Variants in ZBTB7C observed in about 807,000 individuals in gnomAD.
ZBTB7C encodes zinc finger and BTB domain containing 7C.
In ZBTB7C, 8 loss-of-function variants were observed where a neutral mutation model predicts 25.7. The observed-to-expected ratio is 0.31, with a 90% CI of 0.18 to 0.56. The LOEUF is 0.56. ZBTB7C is among the 20% of genes least tolerant of loss of function. The pLI is 0.91. For missense variants in ZBTB7C, 824 were observed against 855.2 expected, an observed-to-expected ratio of 0.96 and a Z score of 0.46; for synonymous variants, 394 against 369.0, an observed-to-expected ratio of 1.07 and a Z score of -0.78.
intron 2 of ZBTB7C, among the ~76,000 whole-genome samples, chr18:48,317,674 T>C (rs2045981602): frequency 1.3e-5 from 2 of 152,182 alleles, no homozygotes; most frequent in Non-Finnish European, 2.9e-5. Flanking sequence ...GCAGCCTCGA[T>C]GTGACATATA....
At chr18:48,367,292 C>G (rs1483424146) in intron 1 of ZBTB7C, among the ~76,000 whole-genome samples, 5 of 114,626 alleles carry the variant, frequency 4.4e-5, no homozygotes, top group East Asian at 2.4e-4. Flanking sequence ...AAATATGTAT[C>G]TATACATATA....
intron 3 of ZBTB7C, among the ~76,000 whole-genome samples, chr18:48,125,766 G>A (rs2039779126): frequency 6.6e-6 from 1 of 152,220 alleles, no homozygotes; most frequent in Admixed American, 6.5e-5. Context: ...TAGACAAGGT[G>A]ATCCAGGGCA....
chr18:48,356,140 A>G lies in ZBTB7C; in HGVS notation c.-303-17742T>C, dbSNP rs1248484003. ...GACCCACTGAGTTATAGGATCCTCA[A>G]CATCCTTTCTGGGTTTATTCAACAG... On this transcript the variant is annotated intron_variant, in intron 1 of 4. Transcript: ENST00000590800. Among the ~76,000 whole-genome samples the G allele has an allele frequency of 3.3e-5, 5 of 152,182 alleles. No homozygotes were observed. The East Asian group carries it at 7.7e-4, about 23-fold the overall frequency.
chr18:48,373,993 T>G (rs2047456276), intron 1 of ZBTB7C, among the ~76,000 whole-genome samples: 1 of 148,008 alleles, frequency 6.8e-6, no homozygotes, highest in South Asian at 2.1e-4. Flanking sequence ...ACCTCCTCCC[T>G]CCCACTCTGT....
intron 2 of ZBTB7C, among the ~76,000 whole-genome samples, chr18:48,300,171 C>A (rs1451509751): frequency 6.6e-6 from 1 of 152,198 alleles, no homozygotes; most frequent in Non-Finnish European, 1.5e-5. Context: ...GCCTGAGCCC[C>A]ACCCAGGTCC....
At chr18:48,214,490 C>T (rs149052727) in intron 2 of ZBTB7C, among the ~76,000 whole-genome samples, 1 of 152,320 alleles carries the variant, frequency 6.6e-6, no homozygotes, top group Non-Finnish European at 1.5e-5. Context: ...TCACAAAGCC[C>T]CTGCTGATAA....
At chr18:48,407,882 A>ATTTC (rs2048317943) in intron 1 of ZBTB7C, among the ~76,000 whole-genome samples, 1 of 151,744 alleles carries the variant, frequency 6.6e-6, no homozygotes, top group East Asian at 1.9e-4. Context: ...GGGAATAATG[A>ATTTC]TTTCTTTCAG....
intron 3 of ZBTB7C, among the ~76,000 whole-genome samples, chr18:48,126,543 C>T (rs112322890): frequency 2.0e-5 from 3 of 152,224 alleles, no homozygotes; most frequent in Non-Finnish European, 2.9e-5. Flanking sequence ...CATTCTAGCT[C>T]CCCGGGGGAG....
intron 3 of ZBTB7C, among the ~76,000 whole-genome samples, chr18:48,062,836 G>A (rs373620969): frequency 1.7e-4 from 26 of 152,248 alleles, no homozygotes; most frequent in African/African-American, 6.3e-4. Context: ...ATGTCAAAGT[G>A]TCTACCTGGT....
At chr18:48,190,088 T>A (rs187715451) in intron 2 of ZBTB7C, among the ~76,000 whole-genome samples, 4 of 152,162 alleles carry the variant, frequency 2.6e-5, no homozygotes, top group African/African-American at 9.7e-5. Flanking sequence ...TCTCTCCCTA[T>A]CATCATCCGT....
intron 2 of ZBTB7C, among the ~76,000 whole-genome samples, chr18:48,264,836 A>T (rs2044265702): frequency 6.6e-6 from 1 of 152,176 alleles, no homozygotes; most frequent in Admixed American, 6.5e-5. Flanking sequence ...CACTTTGCAA[A>T]GCTCTTTTCC....
intron 3 of ZBTB7C, among the ~76,000 whole-genome samples, chr18:48,173,068 A>G (rs2041545750): frequency 6.6e-6 from 1 of 152,232 alleles, no homozygotes; most frequent in African/African-American, 2.4e-5. Context: ...GTTCTTGAAC[A>G]TGCCATCTTC....
chr18:48,101,281 A>G (rs2038820816), intron 3 of ZBTB7C, among the ~76,000 whole-genome samples: 1 of 152,196 alleles, frequency 6.6e-6, no homozygotes, highest in African/African-American at 2.4e-5. Flanking sequence ...CTTTTTATTG[A>G]TCCAGACCAG....
intron 1 of ZBTB7C, among the ~76,000 whole-genome samples, chr18:48,358,351 C>CA (rs55992589): frequency 0.25 from 37,311 of 151,682 alleles, 4,902 homozygotes; most frequent in Non-Finnish European, 0.28. Flanking sequence ...GACTCCACTT[C>CA]AAAAAAATAA....
At chr18:48,339,831 C>T (rs2046552032) in intron 1 of ZBTB7C, among the ~76,000 whole-genome samples, 2 of 152,158 alleles carry the variant, frequency 1.3e-5, no homozygotes. Flanking sequence ...AATGTGGAGG[C>T]TCCTAGTTAA....
At chr18:48,257,373 C>T (rs2044049864) in intron 2 of ZBTB7C, among the ~76,000 whole-genome samples, 1 of 152,028 alleles carries the variant, frequency 6.6e-6, no homozygotes, top group South Asian at 2.1e-4. Flanking sequence ...TAAAGAGATA[C>T]CCTTTAAAGC....
chr18:48,316,887 G>A (rs754707279), intron 2 of ZBTB7C, among the ~76,000 whole-genome samples: 6 of 152,332 alleles, frequency 3.9e-5, no homozygotes, highest in Non-Finnish European at 5.9e-5. Context: ...CTCAGTTTCC[G>A]ACCCTGTAAA....
chr18:48,145,752 G>A (rs924152994), intron 3 of ZBTB7C, among the ~76,000 whole-genome samples: 1 of 152,180 alleles, frequency 6.6e-6, no homozygotes, highest in Non-Finnish European at 1.5e-5. Context: ...CCGTCTATAT[G>A]TTTATGTGTG....
intron 3 of ZBTB7C, among the ~76,000 whole-genome samples, chr18:48,163,852 G>T (rs1359589729): frequency 6.6e-6 from 1 of 152,180 alleles, no homozygotes; most frequent in East Asian, 1.9e-4. Context: ...AGTGCTTTGG[G>T]AAGTGAGAAG....
Sources: gnomAD v4.1 joint callset for allele counts (sites outside exome capture counted in the v4.1 genomes callset) on GRCh38, gnomAD v4.1.1 for gene constraint, MANE v1.5 for transcripts, NCBI Gene and HGNC (gene_info 2026-07-23, HGNC 2026-07-21) for gene names.